Variants in RUNDC3A observed in about 807,000 individuals in gnomAD.
RUNDC3A encodes RUN domain-containing protein 3A.
A neutral mutation model predicts 53.9 loss-of-function variants in RUNDC3A; 28 were observed. The observed-to-expected ratio is 0.52, with a 90% CI of 0.38 to 0.71. The LOEUF (loss-of-function observed/expected upper bound fraction) is 0.71. Among genes scored for constraint, RUNDC3A ranks in the 30% least tolerant of loss-of-function variants. The pLI is 0.00. For missense variants in RUNDC3A, 491 were observed against 597.3 expected (o/e 0.82, Z 1.85); for synonymous variants, 232 against 249.4 (o/e 0.93, Z 0.66).
rs1047049340 is a variant in RUNDC3A at position 44,318,481 on chromosome 17, G to C, written c.*243G>C. ...CAAGCCACAGGGAGCCCCTGGGGAAGCCTGCTCCATTCTTCTGGTGACCTT... is the reference window on the plus strand; with the variant it reads ...CAAGCCACAGGGAGCCCCTGGGGAACCCTGCTCCATTCTTCTGGTGACCTT... On this transcript the variant is annotated 3_prime_UTR_variant, in exon 11 of 11. Transcript: ENST00000426726. 1 of 535,218 alleles carries C rather than the reference G, an allele frequency of 1.9e-6. No homozygotes were observed. The highest frequency in any genetic ancestry group is 1.9e-5 in the African/African-American group (1 of 52,838). The allele number at this position is 535,218 out of a possible 1,614,324, so 33.2% of individuals were successfully genotyped here.
In RUNDC3A at chr17:44,318,103, C is replaced by T; in HGVS notation, c.1206C>T (p.Asp402=). ...CCTGCCCTCTCTCCCCAGGGAAGGA[C>T]CCCACGCCCTCCATGCTGGGCCTCT... ...DEEPWGPIGK[D]PTPSMLGLCG... is the part of the protein sequence containing the mutation. The change falls in exon 11 of 11, where the codon GAC becomes GAT. Residue 402 remains aspartate (D), a synonymous_variant. Coordinates refer to ENST00000426726, the MANE Select transcript of RUNDC3A (RefSeq NM_001144825.2). 6.4e-7 allele frequency: 1 copy of T among 1,551,378 alleles called. No individual in the cohort carries two copies. Among genetic ancestry groups the T allele is most frequent in the South Asian group, 1.2e-5 (1 of 84,054 alleles).
In RUNDC3A at chr17:44,315,549, CG is replaced by C. The variant is rs1264268437; in HGVS notation, c.894del (p.Gln299ArgfsTer12). The C allele has an allele frequency of 6.6e-7, 1 of 1,515,650 alleles. No homozygotes were observed. Among genetic ancestry groups the C allele is most frequent in the South Asian group, 1.2e-5 (1 of 80,438 alleles). 93.9% of individuals were successfully genotyped at this position (1,515,650 alleles called of 1,614,324 possible). ...RLQLQLEEAA[A>X]QNQREKRELE... Reference sequence around the variant, plus strand: ...CAGCTGCAGCTGGAGGAGGCGGCGGCGCAGAACCAGCGCGAGAAACGGGAGC... The same window carrying C: ...CAGCTGCAGCTGGAGGAGGCGGCGGCCAGAACCAGCGCGAGAAACGGGAGC... On this transcript the variant is annotated frameshift_variant, in exon 8 of 11. Transcript: ENST00000426726. LOFTEE classifies it high-confidence loss of function. The surrounding 1 kb of genome is among the most constrained non-coding windows in gnomAD (Gnocchi z 6.1).
Position 44,315,316 on chromosome 17 carries a change from A to G in RUNDC3A, c.791A>G (p.Gln264Arg). ...CAGAAGTTCCGCATCGTCTACGCGC[A>G]GAAGGTGCGCGACGCCGGCGGGCCC... is the stretch of plus-strand genomic sequence containing the variant. ...MEQKFRIVYA[Q>R]KGYLEELVRL... Residue 264 changes from glutamine to arginine, a missense_variant, in exon 7 of 11, where the codon CAG becomes CGG. Physicochemically the swap from Gln to Arg is conservative, Grantham distance 43 (BLOSUM62 1). Around this residue, in one of 2 missense-constraint regions of RUNDC3A, gnomAD observed 273 missense variants for 389.0 expected, o/e 0.70. Coordinates refer to ENST00000426726, the MANE Select transcript of RUNDC3A (RefSeq NM_001144825.2). This position sits in a 1 kb window ranked among gnomAD's most constrained non-coding sequence, Gnocchi z 6.1. 7.1e-7 allele frequency: 1 copy of G among 1,407,954 alleles called. No homozygotes were observed. Among genetic ancestry groups the G allele is most frequent in the Non-Finnish European group, 9.4e-7 (1 of 1,068,206 alleles). 87.2% of individuals were successfully genotyped at this position (1,407,954 alleles called of 1,614,324 possible).
At chr17:44,313,665 C>A in intron 4 of RUNDC3A, 162 bp downstream of exon 4, 1 of 1,357,568 alleles carries the variant, frequency 7.4e-7, no homozygotes, top group Non-Finnish European at 9.5e-7. Context: ...GGCCTGCAGT[C>A]CCAGGACGAA....
At chr17:44,317,452 G>A (rs1454857781) in intron 10 of RUNDC3A, 1 of 780,806 alleles carries the variant, frequency 1.3e-6, no homozygotes, top group East Asian at 2.4e-5. Context: ...CTACTTGCCT[G>A]ACCATTGTTT....
chr17:44,309,040 G>T (rs538112496), intron 1 of RUNDC3A, 101 bp downstream of exon 1: 3 of 804,322 alleles, frequency 3.7e-6, no homozygotes, highest in Non-Finnish European at 5.8e-6. Flanking sequence ...AAAGGGAGGG[G>T]AGAAAAGGGT....
intron 8 of RUNDC3A, 97 bp from the exon 9 acceptor site, chr17:44,316,286 TCA>T: frequency 8.1e-7 from 1 of 1,230,024 alleles, no homozygotes. Flanking sequence ...TTTTTGCCGC[TCA>T]GATTTCATTC....
chr17:44,315,628 C>G lies in RUNDC3A; in HGVS notation c.953+19C>G. The G allele has an allele frequency of 3.5e-6, 5 of 1,431,614 alleles. No homozygotes were observed. The highest frequency in any genetic ancestry group is 4.6e-6 in the Non-Finnish European group (5 of 1,083,986). 88.7% of individuals were successfully genotyped at this position (1,431,614 alleles called of 1,614,324 possible). ...AGCAGCTGTGAGCGCACGGCCTGCC[C>G]TAACCCCTGACCCCCGCCGCCCCGA... On this transcript the variant is annotated intron_variant, in intron 8 of 10. Coordinates refer to ENST00000426726, the MANE Select transcript of RUNDC3A (RefSeq NM_001144825.2). The surrounding 1 kb of genome is among the most constrained non-coding windows in gnomAD (Gnocchi z 6.1).
At position 44,315,679 on chromosome 17, in the gene RUNDC3A, T is replaced by A; in HGVS notation, c.953+70T>A. ...CCACATCACCGGGTGAACCCCATCT[T>A]CACTTCCATCGACTCTAACATCACC... On this transcript the variant is annotated intron_variant, in intron 8 of 10. Coordinates refer to ENST00000426726, the MANE Select transcript of RUNDC3A (RefSeq NM_001144825.2). The surrounding 1 kb of genome is among the most constrained non-coding windows in gnomAD (Gnocchi z 6.1). The A allele has an allele frequency of 1.6e-6, 2 of 1,279,982 alleles. No homozygotes were observed. Among genetic ancestry groups the A allele is most frequent in the Non-Finnish European group, 2.0e-6 (2 of 986,354 alleles). 79.3% of individuals were successfully genotyped at this position (1,279,982 alleles called of 1,614,324 possible). A position where few individuals can be genotyped will look rare whatever the true frequency, so the allele number is the denominator to read the frequency against.
intron 4 of RUNDC3A, chr17:44,314,407 C>A: frequency 8.5e-7 from 1 of 1,174,144 alleles, no homozygotes. Context: ...TTCAAGTTAA[C>A]ACGTTTTTTG....
At chr17:44,309,972 TCCCAGCACTAGTG>T (rs1012234558) in intron 1 of RUNDC3A, 1 of 152,758 alleles carries the variant, frequency 6.5e-6, no homozygotes. Context: ...TGCATCTGTC[TCCCAGCACTAGTG>T]CCCAGCACAG....
intron 2 of RUNDC3A, 126 bp from the exon 3 acceptor site, chr17:44,312,978 C>A: frequency 9.4e-7 from 1 of 1,062,770 alleles, no homozygotes; most frequent in Non-Finnish European, 1.4e-6. Flanking sequence ...CCACTGCACA[C>A]GTGCATGTGT....
chr17:44,313,584 G>A, intron 4 of RUNDC3A, 81 bp downstream of exon 4: 1 of 1,513,476 alleles, frequency 6.6e-7, no homozygotes, highest in Non-Finnish European at 8.9e-7. Flanking sequence ...TTAAGTTCCT[G>A]CAGCATCCTT....
chr17:44,317,896 G>A (rs1244680812), intron 10 of RUNDC3A, 200 bp from the exon 11 acceptor site: 1 of 599,176 alleles, frequency 1.7e-6, no homozygotes, highest in Non-Finnish European at 3.0e-6. Context: ...ATCAACTGAC[G>A]ATTACAATAC....
chr17:44,316,643 G>T lies in RUNDC3A; in HGVS notation c.1116G>T (p.Pro372=), dbSNP rs1216281618. 5 of 1,550,826 alleles carry T rather than the reference G, an allele frequency of 3.2e-6. No homozygotes were observed. Among genetic ancestry groups the T allele is most frequent in the Non-Finnish European group, 4.4e-6 (5 of 1,147,022 alleles). The change falls in exon 10 of 11, where the codon CCG becomes CCT. Residue 372 remains proline (P), a synonymous_variant. Coordinates refer to ENST00000426726, the MANE Select transcript of RUNDC3A (RefSeq NM_001144825.2). ...GACACAGCTTCATGAGCACGGAGCC[G>T]CTGTCAGCTGAAGCCAGTCTGAGCT... ...YRRHSFMSTE[P]LSAEASLSSD... is the part of the protein sequence containing the mutation.
intron 4 of RUNDC3A, 178 bp from the exon 5 acceptor site, chr17:44,314,557 C>CCA: frequency 7.0e-7 from 1 of 1,437,772 alleles, no homozygotes; most frequent in Non-Finnish European, 9.1e-7. Flanking sequence ...GGTGATGGGG[C>CCA]CACAGGTGCG....
intron 1 of RUNDC3A, chr17:44,311,304 G>A: frequency 1.0e-6 from 1 of 985,486 alleles, no homozygotes. Context: ...GCTGCTCCAG[G>A]CCTTGGTCAT....
At position 44,316,622 on chromosome 17, in the gene RUNDC3A, C is replaced by T; in HGVS notation, c.1095C>T (p.His365=). The change falls in exon 10 of 11, where the codon CAC becomes CAT. Residue 365 remains histidine, a synonymous_variant. Coordinates refer to ENST00000426726, the MANE Select transcript of RUNDC3A (RefSeq NM_001144825.2). ...GASNSKLYRR[H]SFMSTEPLSA... ...ACCAGCTCTCGCTCTGCCGCAGACACAGCTTCATGAGCACGGAGCCGCTGT... is the reference window on the plus strand; with the variant it reads ...ACCAGCTCTCGCTCTGCCGCAGACATAGCTTCATGAGCACGGAGCCGCTGT... The T allele has an allele frequency of 2.6e-6, 4 of 1,552,088 alleles. No homozygotes were observed. In the South Asian group the frequency reaches 4.7e-5, roughly 18 times the overall value.
At chr17:44,311,158 C>T in intron 1 of RUNDC3A, 1 of 985,598 alleles carries the variant, frequency 1.0e-6, no homozygotes, top group African/African-American at 1.7e-5. Context: ...TGGCTCTGAT[C>T]TCAAGGCAGT....
Sources: allele counts gnomAD v4.1 joint callset, GRCh38; gene constraint gnomAD v4.1.1; regional missense constraint gnomAD v4.1.1; non-coding constraint Gnocchi (gnomAD v3.1); transcripts MANE v1.5; gene names NCBI Gene and HGNC (gene_info 2026-07-23, HGNC 2026-07-21).